ROCK2: variants seen among roughly 807,000 people sequenced by gnomAD.
ROCK2 encodes the protein Rho associated coiled-coil containing protein kinase 2, also known as rho-associated protein kinase 2.
ROCK2 carries 61 observed loss-of-function variants against 195.1 expected under a neutral mutation model. That is an observed-to-expected ratio of 0.31 (90% confidence interval 0.25 to 0.39). The LOEUF (loss-of-function observed/expected upper bound fraction) is 0.39, where lower values mean the gene tolerates loss of function less well. ROCK2 is among the 10% of genes least tolerant of loss of function. The pLI is 1.00. For synonymous variants in ROCK2, 504 were observed against 545.5 expected (o/e 0.92, Z 1.06); for missense variants, 1,109 against 1,637.4 (o/e 0.68, Z 5.57).
intron 4 of ROCK2, among the ~76,000 whole-genome samples, chr2:11,247,540 T>G (rs1192695571): frequency 1.3e-5 from 2 of 152,210 alleles, no homozygotes; most frequent in Non-Finnish European, 2.9e-5. Context: ...CTCAATTACT[T>G]CAATAATCAG....
chr2:11,195,163 A>G (rs1663581817), intron 27 of ROCK2, 138 bp from the exon 28 acceptor site: 2 of 485,296 alleles, frequency 4.1e-6, no homozygotes, highest in South Asian at 8.6e-5. Context: ...ATCATCTAGG[A>G]TACAGTAATA....
At position 11,309,577 on chromosome 2, in the gene ROCK2, G is replaced by A. The variant is rs13388427; in HGVS notation, c.142-21841C>T. Among the ~76,000 whole-genome samples the A allele has an allele frequency of 8.7e-3, 1,318 of 152,218 alleles. 19 individuals carry two copies. Among genetic ancestry groups the A allele is most frequent in the African/African-American group, 0.03 (1,255 of 41,498 alleles). ...CAAATTAGGGTTCTATACCTAGAAA[G>A]TTATTTCAGTCCCCATCTCCACCAA... On this transcript the variant is annotated intron_variant, in intron 1 of 32. Coordinates refer to ENST00000315872, the MANE Select transcript of ROCK2 (RefSeq NM_004850.5).
chr2:11,274,131 C>T (rs769386664), intron 3 of ROCK2, among the ~76,000 whole-genome samples: 1 of 151,392 alleles, frequency 6.6e-6, no homozygotes, highest in Non-Finnish European at 1.5e-5. Context: ...AAATTTATAG[C>T]TATAAATGCT....
chr2:11,257,195 C>A (rs1255523560), intron 3 of ROCK2, among the ~76,000 whole-genome samples: 1 of 151,424 alleles, frequency 6.6e-6, no homozygotes, highest in African/African-American at 2.5e-5. Context: ...ATGCGCTGGG[C>A]AGCGAGAGCC....
chr2:11,225,006 T>C (rs1016689136), intron 6 of ROCK2, among the ~76,000 whole-genome samples: 1 of 152,160 alleles, frequency 6.6e-6, no homozygotes, highest in Non-Finnish European at 1.5e-5. Flanking sequence ...CAGCACAGAT[T>C]TAAATCATTT....
intron 4 of ROCK2, among the ~76,000 whole-genome samples, chr2:11,238,948 G>C (rs866457012): frequency 1.6e-4 from 25 of 151,864 alleles, no homozygotes; most frequent in African/African-American, 5.8e-4. Context: ...TGTTGACAAA[G>C]GTGCCAGGGC....
intron 17 of ROCK2, 127 bp downstream of exon 17, chr2:11,214,230 A>C (rs565444609): frequency 4.9e-6 from 3 of 606,938 alleles, no homozygotes; most frequent in South Asian, 4.0e-5. Context: ...CATCAAGTCC[A>C]AATCAAAAGG....
chr2:11,280,042 C>A (rs980467434), intron 3 of ROCK2, among the ~76,000 whole-genome samples: 1 of 152,052 alleles, frequency 6.6e-6, no homozygotes, highest in Non-Finnish European at 1.5e-5. Flanking sequence ...GTGCTTAATG[C>A]ACATATCTAA....
chr2:11,245,207 T>C (rs1460514924), intron 4 of ROCK2, among the ~76,000 whole-genome samples: 1 of 150,206 alleles, frequency 6.7e-6, no homozygotes, highest in Non-Finnish European at 1.5e-5. Context: ...TTGCTTGATG[T>C]ATAAAATATA....
intron 4 of ROCK2, among the ~76,000 whole-genome samples, chr2:11,237,310 G>GA (rs1447300179): frequency 2.0e-5 from 3 of 152,106 alleles, no homozygotes; most frequent in East Asian, 1.9e-4. Flanking sequence ...TTAGAAAACT[G>GA]AAAAAATGAA....
At chr2:11,217,309 T>C (rs376000699) in intron 11 of ROCK2, 140 bp from the exon 12 acceptor site, 2 of 731,578 alleles carry the variant, frequency 2.7e-6, no homozygotes, top group African/African-American at 3.4e-5. Context: ...TGTACCTCCT[T>C]AATGTGACTT....
chr2:11,239,179 C>G (rs1411786472), intron 4 of ROCK2, among the ~76,000 whole-genome samples: 1 of 151,654 alleles, frequency 6.6e-6, no homozygotes, highest in African/African-American at 2.4e-5. Context: ...GATATAACAC[C>G]AAAAACGCAA....
intron 9 of ROCK2, among the ~76,000 whole-genome samples, chr2:11,219,775 T>G (rs13400363): frequency 1.4e-3 from 217 of 152,140 alleles, no homozygotes; most frequent in African/African-American, 5.0e-3. Context: ...TGAACAGCTT[T>G]CAGTGGCTTC....
intron 3 of ROCK2, among the ~76,000 whole-genome samples, chr2:11,281,434 T>C (rs911999853): frequency 1.3e-5 from 2 of 152,180 alleles, no homozygotes; most frequent in African/African-American, 4.8e-5. Flanking sequence ...GTAAAGCGTA[T>C]ACAGATTGGG....
chr2:11,250,602 C>T (rs1429987293), intron 3 of ROCK2, among the ~76,000 whole-genome samples: 2 of 152,186 alleles, frequency 1.3e-5, no homozygotes, highest in African/African-American at 2.4e-5. Flanking sequence ...TTATTCCTCC[C>T]ACAGTTATTC....
chr2:11,186,163 A>T (rs1199700350), intron 32 of ROCK2, among the ~76,000 whole-genome samples: 1 of 152,236 alleles, frequency 6.6e-6, no homozygotes, highest in Non-Finnish European at 1.5e-5. Context: ...TTGAGAAAAC[A>T]CACAAACAGA....
At chr2:11,236,019 C>A in intron 4 of ROCK2, 57 bp from the exon 5 acceptor site, 2 of 1,404,448 alleles carry the variant, frequency 1.4e-6, no homozygotes, top group African/African-American at 2.9e-5. Flanking sequence ...AAATCATAAT[C>A]AGAACAAAAA....
rs764937038 is a variant in ROCK2, at chr2:11,207,818, T to G, written c.2457A>C (p.Thr819=). The change falls in exon 20 of 33, where the codon ACA becomes ACC. Residue 819 remains threonine (T), a synonymous_variant. Coordinates refer to ENST00000315872, the MANE Select transcript of ROCK2 (RefSeq NM_004850.5). ...TTAACTGCTTTTCTGACATTTTTAG[T>G]GTGTTAACCTGTTGTGTTTGCATCT... ...DLKMQTQQVN[T]LKMSEKQLKQ... 2.5e-6 allele frequency: 4 copies of G among 1,612,504 alleles called. No homozygotes were observed. In the African/African-American group the frequency reaches 5.3e-5, roughly 22 times the overall value.
Position 11,180,591 on chromosome 2 carries a change from CACAAA to C in ROCK2, c.*2841_*2845del, listed in dbSNP as rs1472412011. 5 of 152,102 alleles carry C rather than the reference CACAAA, an allele frequency of 3.3e-5. No individual in the cohort carries two copies. Among genetic ancestry groups the C allele is most frequent in the South Asian group, 2.1e-4 (1 of 4,826 alleles). The allele number at this position is 152,102 out of a possible 1,614,324, so 9.4% of individuals were successfully genotyped here. A position where few individuals can be genotyped will look rare whatever the true frequency, so the allele number is the denominator to read the frequency against. On this transcript the variant is annotated 3_prime_UTR_variant, in exon 33 of 33. Coordinates refer to ENST00000315872, the MANE Select transcript of ROCK2 (RefSeq NM_004850.5). ...CCTTTCACTTCTGTCTCGTTATCCC[CACAAA>C]ACAAAAGTAAAAAATCCAATAAGAA...
Sources: gnomAD v4.1 joint callset for allele counts (sites outside exome capture counted in the v4.1 genomes callset) on GRCh38, gnomAD v4.1.1 for gene constraint, MANE v1.5 for transcripts, NCBI Gene and HGNC (gene_info 2026-07-23, HGNC 2026-07-21) for gene names.